The following PUS10 variants were observed in gnomAD, a reference collection of about 807,000 sequenced individuals.
The protein encoded by PUS10 is tRNA pseudouridine synthase Pus10.
Under a neutral mutation model 75.0 loss-of-function variants are expected in PUS10, and 59 were observed. That is an observed-to-expected ratio of 0.79 (90% CI 0.64 to 0.98). The LOEUF (loss-of-function observed/expected upper bound fraction) is 0.98, where lower values mean the gene tolerates loss of function less well. PUS10 is among the 50% of genes least tolerant of loss of function. The probability of loss-of-function intolerance (pLI) is 0.00; values close to 1 mark genes in which losing one functional copy is unlikely to be tolerated. For missense variants in PUS10, 650 were observed against 614.4 expected, an observed-to-expected ratio of 1.06 and a Z score of -0.61; for synonymous variants, 219 against 211.6, an observed-to-expected ratio of 1.03 and a Z score of -0.30.
chr2:60,973,557 G>A (rs1676831713), intron 4 of PUS10, among the ~76,000 whole-genome samples: 2 of 152,258 alleles, frequency 1.3e-5, no homozygotes, highest in South Asian at 4.1e-4. Flanking sequence ...TAGACTTTGG[G>A]CACCAACAAG....
At position 61,011,824 on chromosome 2, in the gene PUS10, T is replaced by A. The variant is rs1559003849; in HGVS notation, c.67A>T (p.Arg23Ter). 1 of 1,611,554 alleles carries A rather than the reference T, an allele frequency of 6.2e-7. No individual in the cohort carries two copies. Among genetic ancestry groups the A allele is most frequent in the Non-Finnish European group, 8.5e-7 (1 of 1,178,516 alleles). Reference sequence around the variant, plus strand: ...ACACCACAGAATCTGAAGATACATCTTGGACAAGTACCAGTATTGAGCAAC... The same window carrying A: ...ACACCACAGAATCTGAAGATACATCATGGACAAGTACCAGTATTGAGCAAC... ...QLLLNTGTCP[R>*]CIFRFCGVDF... The change falls in exon 2 of 18, where the codon AGA (arginine) becomes TGA (stop). Residue 23 changes from arginine to a stop codon, truncating the protein, a stop_gained. Coordinates refer to ENST00000316752, the MANE Select transcript of PUS10 (RefSeq NM_144709.4). LOFTEE classifies it high-confidence loss of function.
At chr2:60,982,561 C>A (rs1159461592) in intron 4 of PUS10, among the ~76,000 whole-genome samples, 2 of 152,000 alleles carry the variant, frequency 1.3e-5, no homozygotes, top group African/African-American at 2.4e-5. Context: ...CCATGCCTGG[C>A]CAGATAGAAC....
At chr2:60,948,834 T>C (rs1344117572) in intron 15 of PUS10, among the ~76,000 whole-genome samples, 1 of 152,166 alleles carries the variant, frequency 6.6e-6, no homozygotes, top group Non-Finnish European at 1.5e-5. Context: ...TGTCACAAGA[T>C]AAAAATTAAG....
At position 60,965,078 on chromosome 2, in the gene PUS10, T is replaced by G. The variant is rs1397637278; in HGVS notation, c.703A>C (p.Lys235Gln). 5 of 1,613,812 alleles carry G rather than the reference T, an allele frequency of 3.1e-6. No homozygotes were observed. The highest frequency in any genetic ancestry group is 3.3e-5 in the Admixed American group (2 of 59,990). ...CTTACCTGTTTGTTTTTGGCTGGCT[T>G]AAAACAATCTGGGCATATCGCAGCT... ...FLAAICPDCFKPAKNKQSVFT... is the reference protein window; with the variant it reads ...FLAAICPDCFQPAKNKQSVFT... The change falls in exon 8 of 18, where the codon AAG becomes CAG. Residue 235 changes from lysine (K) to glutamine (Q), a missense_variant. Coordinates refer to ENST00000316752, the MANE Select transcript of PUS10 (RefSeq NM_144709.4).
chr2:61,003,548 ATT>A (rs1264178685), intron 4 of PUS10, among the ~76,000 whole-genome samples: 3 of 144,820 alleles, frequency 2.1e-5, no homozygotes, highest in African/African-American at 7.5e-5. Context: ...TTATTGCTTA[ATT>A]TTTTTTTTTT....
At position 60,963,715 on chromosome 2, in the gene PUS10, T is replaced by C. The variant is rs78766856; in HGVS notation, c.724-825A>G. Reference sequence around the variant, plus strand: ...GATACCATAGGGTTACAACTGAAAATTAAGTGCCTGTTTGATAAGATATGA... The same window carrying C: ...GATACCATAGGGTTACAACTGAAAACTAAGTGCCTGTTTGATAAGATATGA... On this transcript the variant is annotated intron_variant, in intron 8 of 17. Transcript: ENST00000316752. Among the ~76,000 whole-genome samples, 3 of 152,192 alleles carry C rather than the reference T, an allele frequency of 2.0e-5. No homozygotes were observed. In the East Asian group the frequency reaches 5.8e-4, roughly 29 times the overall value.
Position 60,965,537 on chromosome 2 carries a change from C to G in PUS10, c.616-53G>C, listed in dbSNP as rs1005816492. The G allele has an allele frequency of 1.1e-5, 13 of 1,222,308 alleles. No individual in the cohort carries two copies. The highest frequency in any genetic ancestry group is 9.2e-5 in the Admixed American group (4 of 43,414). The allele number at this position is 1,222,308 out of a possible 1,614,324, so 75.7% of individuals were successfully genotyped here. The stretch of plus-strand genomic sequence containing the variant: ...TGAGCAAAAGGAAACTAACATCTAA[C>G]AACTTATTAATGGAAATAGAAATTA... On this transcript the variant is annotated intron_variant, in intron 6 of 17. Transcript: ENST00000316752.
intron 9 of PUS10, 39 bp from the exon 10 acceptor site, chr2:60,961,587 A>G: frequency 6.6e-7 from 1 of 1,507,754 alleles, no homozygotes. Flanking sequence ...TTTTCCAGAC[A>G]TAATATTGAA....
At chr2:60,999,830 T>C (rs1008543603) in intron 4 of PUS10, among the ~76,000 whole-genome samples, 6 of 152,130 alleles carry the variant, frequency 3.9e-5, no homozygotes, top group African/African-American at 1.2e-4. Context: ...GGAAAAAGGA[T>C]CTGTACTGAG....
At chr2:60,956,646 AAAGGAGAAGCCATATTTACTG>A (rs1364529974) in intron 11 of PUS10, among the ~76,000 whole-genome samples, 1 of 152,188 alleles carries the variant, frequency 6.6e-6, no homozygotes. Flanking sequence ...GATTCAGACT[AAAGGAGAAGCCATATTTACTG>A]ATCTTTTAGA....
intron 4 of PUS10, among the ~76,000 whole-genome samples, chr2:60,983,974 A>T (rs2104512573): frequency 6.6e-6 from 1 of 152,242 alleles, no homozygotes; most frequent in African/African-American, 2.4e-5. Context: ...AAGAAAAAAA[A>T]TTATGGGAAA....
chr2:60,962,738 C>A, intron 9 of PUS10, 88 bp downstream of exon 9: 1 of 1,487,382 alleles, frequency 6.7e-7, no homozygotes, highest in Non-Finnish European at 8.9e-7. Flanking sequence ...AATACATCAT[C>A]TTGTTTCAGA....
intron 4 of PUS10, among the ~76,000 whole-genome samples, chr2:60,994,803 C>G (rs1678340975): frequency 6.6e-6 from 1 of 152,064 alleles, no homozygotes; most frequent in Admixed American, 6.6e-5. Flanking sequence ...TGAAATCTGA[C>G]CAAGGCCGGG....
At chr2:60,987,947 G>T (rs1677825149) in intron 4 of PUS10, among the ~76,000 whole-genome samples, 2 of 151,534 alleles carry the variant, frequency 1.3e-5, no homozygotes, top group Admixed American at 1.3e-4. Context: ...AAATTAGCCA[G>T]GCATGGTGGC....
At position 61,006,625 on chromosome 2, in the gene PUS10, C is replaced by T; in HGVS notation, c.400G>A (p.Ala134Thr). 1 of 1,612,234 alleles carries T rather than the reference C, an allele frequency of 6.2e-7. No individual in the cohort carries two copies. Among genetic ancestry groups the T allele is most frequent in the South Asian group, 1.1e-5 (1 of 90,574 alleles). Residue 134 changes from alanine (A) to threonine (T), a missense_variant, in exon 4 of 18, where the codon GCC (alanine) becomes ACC (threonine). Coordinates refer to ENST00000316752, the MANE Select transcript of PUS10 (RefSeq NM_144709.4). ...FIKKVCQKVE[A>T]SGFEFTSLVF... ...AAGCTGGTGAATTCAAACCCAGAGG[C>T]CTCAACCTTTTGGCACACCTGAAAA...
intron 4 of PUS10, among the ~76,000 whole-genome samples, chr2:60,999,779 T>C (rs1678727444): frequency 6.6e-6 from 1 of 152,220 alleles, no homozygotes; most frequent in South Asian, 2.1e-4. Flanking sequence ...GGATCTTGCA[T>C]CTATGGATTC....
At chr2:60,986,038 T>G (rs1200093168) in intron 4 of PUS10, among the ~76,000 whole-genome samples, 1 of 152,034 alleles carries the variant, frequency 6.6e-6, no homozygotes, top group African/African-American at 2.4e-5. Context: ...ATGTGTGATG[T>G]TTTTGAATGG....
chr2:60,984,391 T>C (rs1360622260), intron 4 of PUS10, among the ~76,000 whole-genome samples: 1 of 152,186 alleles, frequency 6.6e-6, no homozygotes. Context: ...AAGAAAACTT[T>C]TGCATATAGG....
At chr2:60,956,835 T>C (rs544196807) in intron 11 of PUS10, among the ~76,000 whole-genome samples, 2 of 150,134 alleles carry the variant, frequency 1.3e-5, no homozygotes, top group East Asian at 2.0e-4. Context: ...ATTAGCTGGG[T>C]GTGGTGGCGT....
Sources: allele counts gnomAD v4.1 joint callset (sites outside exome capture counted in the v4.1 genomes callset), GRCh38; gene constraint gnomAD v4.1.1; transcripts MANE v1.5; gene names NCBI Gene and HGNC (gene_info 2026-07-23, HGNC 2026-07-21).